Variants in TENM3 observed in about 807,000 individuals in gnomAD.
TENM3 encodes the protein teneurin-3.
Under a neutral mutation model 255.1 loss-of-function variants are expected in TENM3, and 63 were observed. That is an observed-to-expected ratio of 0.25 (90% CI 0.20 to 0.30). TENM3 has a LOEUF of 0.30. TENM3 is among the 10% of genes least tolerant of loss of function. The pLI is 1.00. For missense variants in TENM3, 2,929 were observed against 3,461.1 expected (o/e 0.85, Z 3.86); for synonymous variants, 1,306 against 1,322.3 (o/e 0.99, Z 0.27).
the TENM3 span, among the ~76,000 whole-genome samples, chr4:181,509,427 T>C: frequency 6.6e-6 from 1 of 152,134 alleles, no homozygotes; most frequent in African/African-American, 2.4e-5. Flanking sequence ...GGTATTTTTG[T>C]TCGATCTCTT....
intron 3 of TENM3, among the ~76,000 whole-genome samples, chr4:182,367,047 C>A (rs1766477327): frequency 6.6e-6 from 1 of 151,692 alleles, no homozygotes; most frequent in African/African-American, 2.4e-5. Flanking sequence ...AATCGGAAGA[C>A]AAAACAACTA....
intron 2 of TENM3, among the ~76,000 whole-genome samples, chr4:182,343,175 T>A (rs1324614830): frequency 6.6e-6 from 1 of 152,198 alleles, no homozygotes; most frequent in Non-Finnish European, 1.5e-5. Context: ...AAAACAAAAA[T>A]GCCTAATATA....
the TENM3 span, among the ~76,000 whole-genome samples, chr4:182,083,284 G>A: frequency 1.3e-5 from 2 of 152,080 alleles, no homozygotes; most frequent in Non-Finnish European, 2.9e-5. Context: ...GCAGAACAGG[G>A]GAAAGTTTAA....
At chr4:182,680,930 T>C (rs538387999) in intron 10 of TENM3, among the ~76,000 whole-genome samples, 193 bp downstream of exon 10, 87 of 152,360 alleles carry the variant, frequency 5.7e-4, no homozygotes, top group Non-Finnish European at 1.1e-3. Flanking sequence ...AGGGCCCCTT[T>C]GCTCTTTTTC....
intron 3 of TENM3, among the ~76,000 whole-genome samples, chr4:182,362,522 G>C (rs1032321551): frequency 6.6e-6 from 1 of 152,174 alleles, no homozygotes; most frequent in South Asian, 2.1e-4. Flanking sequence ...AGGACCCTCC[G>C]AGCCATGTGC....
the TENM3 span, among the ~76,000 whole-genome samples, chr4:181,633,213 G>A: frequency 6.6e-6 from 1 of 152,158 alleles, no homozygotes; most frequent in Non-Finnish European, 1.5e-5. Context: ...TAGCCTCACA[G>A]GAAATGCTGT....
chr4:182,058,945 C>CTGTGT, the TENM3 span, among the ~76,000 whole-genome samples: 1 of 139,028 alleles, frequency 7.2e-6, no homozygotes, highest in East Asian at 2.2e-4. Context: ...AGTCATAGCT[C>CTGTGT]GTGTGTGTGT....
the TENM3 span, among the ~76,000 whole-genome samples, chr4:181,480,296 G>A: frequency 6.6e-6 from 1 of 152,200 alleles, no homozygotes; most frequent in South Asian, 2.1e-4. Context: ...AAAGTTATGA[G>A]AATGAGAGCA....
intron 3 of TENM3, among the ~76,000 whole-genome samples, chr4:182,433,098 A>G (rs1047990688): frequency 6.6e-6 from 1 of 152,208 alleles, no homozygotes; most frequent in African/African-American, 2.4e-5. Flanking sequence ...CAAGTGAAAG[A>G]TAATGATTGC....
At chr4:182,443,810 T>C (rs1262796025) in intron 3 of TENM3, among the ~76,000 whole-genome samples, 3 of 152,120 alleles carry the variant, frequency 2.0e-5, no homozygotes, top group Non-Finnish European at 4.4e-5. Context: ...TCATCTGAAT[T>C]AGGACAAAAT....
chr4:181,637,247 T>C, the TENM3 span, among the ~76,000 whole-genome samples: 1 of 152,182 alleles, frequency 6.6e-6, no homozygotes, highest in African/African-American at 2.4e-5. Context: ...CAGTGTCTTA[T>C]CAAAATAGAA....
the TENM3 span, among the ~76,000 whole-genome samples, chr4:181,744,785 A>G: frequency 1.1e-4 from 17 of 152,326 alleles, no homozygotes; most frequent in African/African-American, 4.1e-4. Context: ...ATGAGAGATC[A>G]AGAAGAGCCA....
At chr4:181,722,687 C>G in the TENM3 span, among the ~76,000 whole-genome samples, 1 of 152,108 alleles carries the variant, frequency 6.6e-6, no homozygotes, top group African/African-American at 2.4e-5. Flanking sequence ...TATATTTTAT[C>G]TGTATAGTAC....
the TENM3 span, among the ~76,000 whole-genome samples, chr4:181,547,670 G>A: frequency 2.6e-5 from 4 of 152,126 alleles, no homozygotes; most frequent in South Asian, 4.2e-4. Context: ...TTCCCACTTA[G>A]TACACTGGAC....
chr4:181,845,017 A>G, the TENM3 span, among the ~76,000 whole-genome samples: 1 of 152,240 alleles, frequency 6.6e-6, no homozygotes, highest in African/African-American at 2.4e-5. Context: ...ATTATTTTGC[A>G]TATTTTATAT....
At chr4:182,022,104 A>G in the TENM3 span, among the ~76,000 whole-genome samples, 5 of 151,870 alleles carry the variant, frequency 3.3e-5, no homozygotes, top group Non-Finnish European at 5.9e-5. Flanking sequence ...TTATAGCCAC[A>G]TGTTTGTTTG....
chr4:181,612,369 T>A, the TENM3 span, among the ~76,000 whole-genome samples: 9 of 152,204 alleles, frequency 5.9e-5, 1 homozygote, highest in Admixed American at 5.9e-4. Context: ...GTCCTCATGG[T>A]ATTGTTTCAG....
chr4:181,918,574 A>G, the TENM3 span, among the ~76,000 whole-genome samples: 1 of 152,184 alleles, frequency 6.6e-6, no homozygotes, highest in Non-Finnish European at 1.5e-5. Context: ...ATTCCCAATA[A>G]TGGAGTTATT....
At chr4:181,708,739 G>A in the TENM3 span, among the ~76,000 whole-genome samples, 1 of 152,054 alleles carries the variant, frequency 6.6e-6, no homozygotes, top group African/African-American at 2.4e-5. Context: ...TGATCTGACT[G>A]GTCTAAGGAT....
Sources: allele counts gnomAD v4.1 joint callset (sites outside exome capture counted in the v4.1 genomes callset), GRCh38; gene constraint gnomAD v4.1.1; transcripts MANE v1.5; gene names NCBI Gene and HGNC (gene_info 2026-07-23, HGNC 2026-07-21).